LINGO2: variants seen among roughly 807,000 people sequenced by gnomAD.
LINGO2 encodes the protein leucine-rich repeat and immunoglobulin-like domain-containing nogo receptor-interacting protein 2.
A neutral mutation model predicts 30.6 loss-of-function variants in LINGO2; 14 were observed. That is an observed-to-expected ratio of 0.46 (90% confidence interval 0.30 to 0.72). LINGO2 has a LOEUF of 0.72. Among genes scored for constraint, LINGO2 ranks in the 30% least tolerant of loss-of-function variants. The probability of loss-of-function intolerance (pLI) is 0.07; values close to 1 mark genes in which losing one functional copy is unlikely to be tolerated. For synonymous variants in LINGO2, 317 were observed against 288.5 expected (o/e 1.10, Z -1.00); for missense variants, 729 against 751.7 (o/e 0.97, Z 0.35).
At chr9:28,375,133 CATACA>C (rs1257184946) in intron 2 of LINGO2, among the ~76,000 whole-genome samples, 2,199 of 120,378 alleles carry the variant, frequency 0.018, 52 homozygotes, top group Admixed American at 0.091. Context: ...CACACACACA[CATACA>C]CCCCACACTA....
intron 4 of LINGO2, among the ~76,000 whole-genome samples, chr9:28,045,250 G>T (rs911091107): frequency 6.6e-6 from 1 of 152,078 alleles, no homozygotes; most frequent in South Asian, 2.1e-4. Flanking sequence ...CACTGAGCCT[G>T]TAAAATACGC....
chr9:28,986,640 G>C, the LINGO2 span, among the ~76,000 whole-genome samples: 1 of 151,762 alleles, frequency 6.6e-6, no homozygotes, highest in Non-Finnish European at 1.5e-5. Flanking sequence ...CATACAATGG[G>C]GTTATGTACC....
the LINGO2 span, among the ~76,000 whole-genome samples, chr9:29,032,135 A>G: frequency 6.6e-6 from 1 of 152,178 alleles, no homozygotes; most frequent in Non-Finnish European, 1.5e-5. Context: ...CTAAAGAAAA[A>G]TGCATTTGGT....
chr9:28,306,742 G>A (rs1296710987), intron 3 of LINGO2, among the ~76,000 whole-genome samples: 2 of 151,924 alleles, frequency 1.3e-5, no homozygotes, highest in Non-Finnish European at 1.5e-5. Flanking sequence ...AATGATAAAG[G>A]GGATATCACC....
chr9:28,523,851 T>C (rs1218121965), intron 1 of LINGO2, among the ~76,000 whole-genome samples: 2 of 150,748 alleles, frequency 1.3e-5, no homozygotes, highest in South Asian at 4.2e-4. Flanking sequence ...CCGTACGAAT[T>C]GATCAACAGA....
chr9:28,068,186 C>G (rs974492053), intron 4 of LINGO2, among the ~76,000 whole-genome samples: 3 of 152,132 alleles, frequency 2.0e-5, no homozygotes, highest in African/African-American at 7.2e-5. Flanking sequence ...TCAGCTCGGC[C>G]TGCCATAACA....
chr9:28,491,497 T>C (rs186077796), intron 1 of LINGO2, among the ~76,000 whole-genome samples: 3 of 152,340 alleles, frequency 2.0e-5, no homozygotes, highest in Admixed American at 6.5e-5. Flanking sequence ...GGATACAGCA[T>C]TTTTGGGTCA....
At chr9:29,025,761 T>C in the LINGO2 span, among the ~76,000 whole-genome samples, 2 of 152,164 alleles carry the variant, frequency 1.3e-5, no homozygotes, top group Admixed American at 1.3e-4. Flanking sequence ...ATATTCCTCG[T>C]GTCTAGCTGA....
chr9:28,823,105 T>C, the LINGO2 span, among the ~76,000 whole-genome samples: 7 of 152,286 alleles, frequency 4.6e-5, no homozygotes, highest in East Asian at 1.4e-3. Flanking sequence ...AGAGTTCAGT[T>C]ATTAAGCCAG....
chr9:29,058,551 A>G, the LINGO2 span, among the ~76,000 whole-genome samples: 4 of 152,036 alleles, frequency 2.6e-5, no homozygotes, highest in Non-Finnish European at 4.4e-5. Context: ...ATTTTTTTTA[A>G]TGATGAAAAT....
intron 1 of LINGO2, among the ~76,000 whole-genome samples, chr9:28,631,623 CT>C (rs1427613977): frequency 2.6e-5 from 4 of 152,086 alleles, no homozygotes; most frequent in Non-Finnish European, 4.4e-5. Flanking sequence ...GTGTATGAAA[CT>C]TTAATAGGAA....
chr9:28,260,396 G>A (rs1228863098), intron 4 of LINGO2, among the ~76,000 whole-genome samples: 2 of 151,776 alleles, frequency 1.3e-5, no homozygotes, highest in Admixed American at 6.6e-5. Flanking sequence ...TGGTCGCTTT[G>A]ACTTCAAACT....
chr9:28,498,410 C>T (rs1819745446), intron 1 of LINGO2, among the ~76,000 whole-genome samples: 1 of 152,210 alleles, frequency 6.6e-6, no homozygotes, highest in Non-Finnish European at 1.5e-5. Flanking sequence ...TCTCAGACTG[C>T]TGTGCTAGCA....
the LINGO2 span, among the ~76,000 whole-genome samples, chr9:28,804,627 TTTA>T: frequency 6.6e-6 from 1 of 152,062 alleles, no homozygotes; most frequent in Non-Finnish European, 1.5e-5. Flanking sequence ...AGCAATTTTA[TTTA>T]TTGTTTTTCC....
At chr9:28,328,773 G>T (rs890547923) in intron 3 of LINGO2, among the ~76,000 whole-genome samples, 2 of 152,038 alleles carry the variant, frequency 1.3e-5, no homozygotes, top group African/African-American at 2.4e-5. Flanking sequence ...TAAGTTATAG[G>T]ATTCTTCCAG....
chr9:28,629,380 A>G (rs75095620), intron 1 of LINGO2, among the ~76,000 whole-genome samples: 1 of 151,984 alleles, frequency 6.6e-6, no homozygotes, highest in African/African-American at 2.4e-5. Context: ...AAAGACTAGA[A>G]ATTCCTTTCT....
chr9:28,452,706 A>G (rs1395468539), intron 2 of LINGO2, among the ~76,000 whole-genome samples: 1 of 151,834 alleles, frequency 6.6e-6, no homozygotes, highest in Non-Finnish European at 1.5e-5. Flanking sequence ...TTTTAAATAT[A>G]GAAATGCCTG....
intron 1 of LINGO2, among the ~76,000 whole-genome samples, chr9:28,531,040 T>A (rs1395085112): frequency 2.7e-5 from 4 of 146,268 alleles, no homozygotes; most frequent in Non-Finnish European, 6.0e-5. Flanking sequence ...ATGCCATATA[T>A]AAAAATAAAT....
rs1341435674 is a variant in LINGO2, at chr9:28,329,655, C to G, written c.-245-34289G>C. Reference sequence around the variant, plus strand: ...TGCCTGGAATAGTTTCCTTCCCACTCTCCCCTTCTTTCACTCATTTACCAC... The same window carrying G: ...TGCCTGGAATAGTTTCCTTCCCACTGTCCCCTTCTTTCACTCATTTACCAC... On this transcript the variant is annotated intron_variant, in intron 3 of 5. Coordinates refer to ENST00000379992, the Ensembl canonical transcript of LINGO2. The surrounding 1 kb of genome is among the most constrained non-coding windows in gnomAD (Gnocchi z 4.5). Among the ~76,000 whole-genome samples the G allele has an allele frequency of 1.3e-5, 2 of 152,062 alleles. No homozygotes were observed. The highest frequency in any genetic ancestry group is 4.8e-5 in the African/African-American group (2 of 41,410).
Sources: gnomAD v4.1 joint callset for allele counts (sites outside exome capture counted in the v4.1 genomes callset) on GRCh38, gnomAD v4.1.1 for gene constraint, Gnocchi (gnomAD v3.1) non-coding constraint, MANE v1.5 for transcripts, NCBI Gene and HGNC (gene_info 2026-07-23, HGNC 2026-07-21) for gene names.